Variants in DSTYK observed in about 807,000 individuals in gnomAD.
DSTYK encodes the protein RIP-homologous kinase.
DSTYK carries 34 observed loss-of-function variants against 98.7 expected under a neutral mutation model. That is an observed-to-expected ratio of 0.34 (90% CI 0.26 to 0.46). DSTYK has a LOEUF of 0.46. Among genes scored for constraint, DSTYK ranks in the 20% least tolerant of loss-of-function variants. The pLI is 1.00. For missense variants in DSTYK, 962 were observed against 1,181.7 expected, an observed-to-expected ratio of 0.81 and a Z score of 2.73; for synonymous variants, 462 against 457.3, an observed-to-expected ratio of 1.01 and a Z score of -0.13.
intron 2 of DSTYK, among the ~76,000 whole-genome samples, chr1:205,181,656 TTG>T (rs35775611): frequency 0.24 from 34,411 of 141,906 alleles, 4,594 homozygotes; most frequent in African/African-American, 0.36. Flanking sequence ...ATGTTGGGGT[TTG>T]TGTGTGTGTG....
chr1:205,209,581 T>C (rs1480192394), intron 1 of DSTYK, among the ~76,000 whole-genome samples: 5 of 135,332 alleles, frequency 3.7e-5, no homozygotes, highest in African/African-American at 1.3e-4. Flanking sequence ...TTGGTTTGGA[T>C]AGGAATTTAA....
intron 1 of DSTYK, among the ~76,000 whole-genome samples, chr1:205,197,381 A>G (rs1172658013): frequency 6.6e-6 from 1 of 152,186 alleles, no homozygotes; most frequent in Non-Finnish European, 1.5e-5. Flanking sequence ...ATCAGGAAGG[A>G]GAGAGACTGG....
At position 205,163,712 on chromosome 1, in the gene DSTYK, T is replaced by C. The variant is rs767203963; in HGVS notation, c.1557+11A>G. 6.2e-7 allele frequency: 1 copy of C among 1,607,040 alleles called. No homozygotes were observed. The highest frequency in any genetic ancestry group is 8.5e-7 in the Non-Finnish European group (1 of 1,174,888). Reference sequence around the variant, plus strand: ...TATGACACGATGTCTTAAAAATCATTCTTTGTCTACCTGTTTGAGATAATT... The same window carrying C: ...TATGACACGATGTCTTAAAAATCATCCTTTGTCTACCTGTTTGAGATAATT... On this transcript the variant is annotated intron_variant, in intron 4 of 12. Transcript: ENST00000367162.
At chr1:205,163,609 C>A in intron 4 of DSTYK, 114 bp downstream of exon 4, 1 of 882,332 alleles carries the variant, frequency 1.1e-6, no homozygotes, top group Admixed American at 2.3e-5. Flanking sequence ...AAAATTCAAA[C>A]AAGATTCGCA....
intron 8 of DSTYK, 103 bp downstream of exon 8, chr1:205,160,011 A>C: frequency 7.3e-7 from 1 of 1,376,714 alleles, no homozygotes; most frequent in Non-Finnish European, 1.0e-6. Flanking sequence ...CAGAAAACTA[A>C]ATATAGAGAG....
chr1:205,199,451 A>G (rs189854881), intron 1 of DSTYK, among the ~76,000 whole-genome samples: 8 of 152,328 alleles, frequency 5.3e-5, no homozygotes, highest in Non-Finnish European at 1.0e-4. Flanking sequence ...ACTTTCTCAG[A>G]GAGTCTCATT....
rs1371486649 is a variant in DSTYK at position 205,148,068 on chromosome 1, A to G, written c.2602+137T>C. On this transcript the variant is annotated intron_variant, in intron 12 of 12. Coordinates refer to ENST00000367162, the MANE Select transcript of DSTYK (RefSeq NM_015375.3). ...AGGTTGACTTAAATATCTTTTCTGG[A>G]TTCATGACAGTTTAAACGTATCTAC... The G allele has an allele frequency of 4.0e-5, 42 of 1,057,004 alleles. 1 individual carries two copies. In the South Asian group the frequency reaches 6.4e-4, roughly 16 times the overall value. 65.5% of individuals were successfully genotyped at this position (1,057,004 alleles called of 1,614,324 possible). A position where few individuals can be genotyped will look rare whatever the true frequency, so the allele number is the denominator to read the frequency against.
At chr1:205,168,074 C>G (rs910038059) in intron 3 of DSTYK, among the ~76,000 whole-genome samples, 3 of 152,184 alleles carry the variant, frequency 2.0e-5, no homozygotes, top group Non-Finnish European at 4.4e-5. Context: ...CCACTGCACT[C>G]CAGCCTGGGC....
At chr1:205,208,915 C>T (rs1404796533) in intron 1 of DSTYK, among the ~76,000 whole-genome samples, 2 of 152,076 alleles carry the variant, frequency 1.3e-5, no homozygotes, top group South Asian at 2.1e-4. Flanking sequence ...TGCATTTTTA[C>T]CCCCAAACTC....
intron 10 of DSTYK, among the ~76,000 whole-genome samples, chr1:205,156,494 C>A (rs1462817337): frequency 2.6e-5 from 4 of 152,102 alleles, no homozygotes; most frequent in African/African-American, 4.8e-5. Context: ...TTAATGACTG[C>A]CCTATTGGAT....
intron 4 of DSTYK, 120 bp from the exon 5 acceptor site, chr1:205,163,126 A>AAT: frequency 1.2e-6 from 1 of 801,452 alleles, no homozygotes; most frequent in Non-Finnish European, 2.2e-6. Context: ...CTTACCCCTC[A>AAT]ATATATATGC....
In DSTYK at chr1:205,201,212, T is replaced by C. The variant is rs543554067; in HGVS notation, c.265+10059A>G. Reference sequence around the variant, plus strand: ...GAGCCACCATGATGGCCCAGTTGTATATTTTTAAATAACTTAAGGAAAGTA... The same window carrying C: ...GAGCCACCATGATGGCCCAGTTGTACATTTTTAAATAACTTAAGGAAAGTA... On this transcript the variant is annotated intron_variant, in intron 1 of 12. Transcript: ENST00000367162. Among the ~76,000 whole-genome samples, 15 of 152,248 alleles carry C rather than the reference T, an allele frequency of 9.9e-5. No individual in the cohort carries two copies. The South Asian group carries it at 2.9e-3, about 29-fold the overall frequency.
At chr1:205,157,168 T>A in intron 10 of DSTYK, 105 bp downstream of exon 10, 1 of 899,686 alleles carries the variant, frequency 1.1e-6, no homozygotes, top group South Asian at 1.5e-5. Context: ...TAATACACTT[T>A]CTGTGAGGAC....
At chr1:205,160,352 T>G in intron 7 of DSTYK, 82 bp from the exon 8 acceptor site, 3 of 1,296,518 alleles carry the variant, frequency 2.3e-6, no homozygotes, top group Non-Finnish European at 3.2e-6. Flanking sequence ...TTTTTTTTTT[T>G]TGAGACAGAG....
intron 7 of DSTYK, among the ~76,000 whole-genome samples, chr1:205,160,871 T>G (rs1485404867): frequency 6.6e-6 from 1 of 151,594 alleles, no homozygotes; most frequent in Non-Finnish European, 1.5e-5. Flanking sequence ...CAACCTCTAC[T>G]TCCTGGGTTC....
chr1:205,163,526 A>C (rs540667713), intron 4 of DSTYK, among the ~76,000 whole-genome samples, 197 bp downstream of exon 4: 1 of 152,250 alleles, frequency 6.6e-6, no homozygotes, highest in African/African-American at 2.4e-5. Flanking sequence ...GCCTATATTC[A>C]TCAACTTAAC....
At chr1:205,181,410 A>T (rs1175717240) in intron 2 of DSTYK, among the ~76,000 whole-genome samples, 1 of 152,188 alleles carries the variant, frequency 6.6e-6, no homozygotes, top group Non-Finnish European at 1.5e-5. Context: ...GCTGGAGTGC[A>T]GTGGCATGAT....
chr1:205,148,172 G>A (rs367715407), intron 12 of DSTYK, 33 bp downstream of exon 12: 166 of 1,613,438 alleles, frequency 1.0e-4, no homozygotes, highest in Non-Finnish European at 1.3e-4. Flanking sequence ...CTAGCCAGGG[G>A]AGTTAGGACA....
intron 2 of DSTYK, among the ~76,000 whole-genome samples, chr1:205,175,793 C>G (rs1164092701): frequency 6.6e-6 from 1 of 152,148 alleles, no homozygotes; most frequent in Non-Finnish European, 1.5e-5. Flanking sequence ...TGGCTATATA[C>G]CTTCTTAGCA....
Sources: gnomAD v4.1 joint callset for allele counts (sites outside exome capture counted in the v4.1 genomes callset) on GRCh38, gnomAD v4.1.1 for gene constraint, MANE v1.5 for transcripts, NCBI Gene and HGNC (gene_info 2026-07-23, HGNC 2026-07-21) for gene names.